The following GALM variants were observed in gnomAD, a reference collection of about 807,000 sequenced individuals.
GALM encodes the protein aldose 1-epimerase.
A neutral mutation model predicts 37.4 loss-of-function variants in GALM; 43 were observed. That is an observed-to-expected ratio of 1.15 (90% CI 0.90 to 1.48). The LOEUF (loss-of-function observed/expected upper bound fraction) is 1.48. GALM is among the 40% of genes most tolerant of loss of function. The probability of loss-of-function intolerance (pLI) is 0.00; values close to 1 mark genes in which losing one functional copy is unlikely to be tolerated. For synonymous variants in GALM, 199 were observed against 170.6 expected (o/e 1.17, Z -1.30); for missense variants, 456 against 419.1 (o/e 1.09, Z -0.77).
chr2:38,729,764 G>A, intron 5 of GALM, 67 bp downstream of exon 5: 2 of 1,355,536 alleles, frequency 1.5e-6, no homozygotes, highest in Non-Finnish European at 2.1e-6. Context: ...TTCCTTTGGA[G>A]CTTTTCCTCT....
chr2:38,728,157 G>A (rs1666524419), intron 4 of GALM, among the ~76,000 whole-genome samples: 1 of 152,220 alleles, frequency 6.6e-6, no homozygotes, highest in African/African-American at 2.4e-5. Context: ...ACTTTGGGAG[G>A]CCAAGGCAGG....
chr2:38,708,756 G>A (rs1352622362), intron 4 of GALM, among the ~76,000 whole-genome samples: 1 of 151,470 alleles, frequency 6.6e-6, no homozygotes, highest in African/African-American at 2.4e-5. Context: ...AAAAGAAAGT[G>A]CTGTCAACAA....
At chr2:38,679,921 G>C in intron 2 of GALM, 2 of 393,962 alleles carry the variant, frequency 5.1e-6, no homozygotes, top group South Asian at 3.8e-5. Context: ...TTCCCTATAA[G>C]TGTAATCTTG....
chr2:38,698,010 C>T (rs538519306), intron 4 of GALM, among the ~76,000 whole-genome samples: 30 of 151,776 alleles, frequency 2.0e-4, no homozygotes, highest in Middle Eastern at 6.8e-3. Context: ...GTGGTGCAGT[C>T]TCGGCCCACT....
chr2:38,729,791 T>A (rs1666562795), intron 5 of GALM, 94 bp downstream of exon 5: 2 of 1,042,466 alleles, frequency 1.9e-6, no homozygotes, highest in Non-Finnish European at 2.9e-6. Flanking sequence ...ATCAATAGCA[T>A]TTACTATGCT....
intron 3 of GALM, among the ~76,000 whole-genome samples, chr2:38,684,886 C>G (rs920276917): frequency 6.6e-5 from 10 of 151,960 alleles, no homozygotes; most frequent in Admixed American, 6.6e-4. Context: ...TGGGGGAATT[C>G]GAGATGAAAA....
At chr2:38,699,146 T>A (rs534915874) in intron 4 of GALM, among the ~76,000 whole-genome samples, 1 of 151,994 alleles carries the variant, frequency 6.6e-6, no homozygotes, top group South Asian at 2.1e-4. Context: ...ACTCCTAACT[T>A]TAGGTGATCT....
intron 3 of GALM, among the ~76,000 whole-genome samples, chr2:38,688,833 T>C (rs756173673): frequency 5.3e-5 from 8 of 152,192 alleles, no homozygotes; most frequent in Non-Finnish European, 1.0e-4. Flanking sequence ...TTATTTATTT[T>C]GAGATGGAGT....
intron 4 of GALM, among the ~76,000 whole-genome samples, chr2:38,694,906 AAAAAAAC>A (rs1457491339): frequency 2.6e-5 from 4 of 151,152 alleles, no homozygotes; most frequent in Admixed American, 6.6e-5. Context: ...CAAAAAAAAA[AAAAAAAC>A]AAAAAAAGAA....
chr2:38,676,150 G>A (rs1330354291), intron 2 of GALM, 84 bp downstream of exon 2: 17 of 1,361,408 alleles, frequency 1.2e-5, no homozygotes, highest in Non-Finnish European at 1.7e-5. Flanking sequence ...ATAGGCCCTA[G>A]AGCACATGAG....
Position 38,733,679 on chromosome 2 carries a change from C to T in GALM, c.*114C>T. The stretch of plus-strand genomic sequence containing the variant: ...AATGATTCTATGGATTAAAATCATA[C>T]AAATGGTGGCTGTTCTGAGAATCAG... On this transcript the variant is annotated 3_prime_UTR_variant, in exon 7 of 7. Coordinates refer to ENST00000272252, the MANE Select transcript of GALM (RefSeq NM_138801.3). 1.2e-6 allele frequency: 1 copy of T among 809,400 alleles called. No individual in the cohort carries two copies. Among genetic ancestry groups the T allele is most frequent in the Non-Finnish European group, 2.2e-6 (1 of 464,010 alleles). 50.1% of individuals were successfully genotyped at this position (809,400 alleles called of 1,614,324 possible). A position where few individuals can be genotyped will look rare whatever the true frequency, so the allele number is the denominator to read the frequency against.
chr2:38,682,505 T>C (rs980065513), intron 3 of GALM, among the ~76,000 whole-genome samples: 1 of 152,182 alleles, frequency 6.6e-6, no homozygotes, highest in African/African-American at 2.4e-5. Context: ...GCAGAGTTAA[T>C]TGGTTCTTGT....
intron 4 of GALM, among the ~76,000 whole-genome samples, chr2:38,729,240 T>A (rs749662678): frequency 1.2e-4 from 18 of 152,100 alleles, no homozygotes; most frequent in Non-Finnish European, 2.4e-4. Flanking sequence ...TATGCTGGAG[T>A]GCAGTGGTGC....
Position 38,733,544 on chromosome 2 carries a change from G to A in GALM, c.1008G>A (p.Trp336Ter), listed in dbSNP as rs763645200. Residue 336 changes from tryptophan to a stop codon, truncating the protein, a stop_gained, in exon 7 of 7, where the codon TGG (tryptophan) becomes TGA (stop). Transcript: ENST00000272252. LOFTEE classifies it high-confidence loss of function. ...GTGAGGAGTATGACCACACCACCTG[G>A]TTCAAGTTTTCTGTGGCTTAAGGAA... ...RPGEEYDHTTWFKFSVA is the reference protein window; with the variant it reads ...RPGEEYDHTT The A allele has an allele frequency of 1.2e-5, 19 of 1,613,834 alleles. No homozygotes were observed. The highest frequency in any genetic ancestry group is 2.2e-5 in the East Asian group (1 of 44,896).
intron 1 of GALM, among the ~76,000 whole-genome samples, chr2:38,672,255 C>G (rs995967106): frequency 6.6e-6 from 1 of 152,144 alleles, no homozygotes; most frequent in Admixed American, 6.6e-5. Flanking sequence ...TTGAATGAAT[C>G]AAAGTAGGAC....
intron 4 of GALM, among the ~76,000 whole-genome samples, chr2:38,708,405 T>A (rs1030780723): frequency 5.9e-5 from 9 of 152,188 alleles, no homozygotes; most frequent in African/African-American, 2.2e-4. Context: ...TGTCCCAGCA[T>A]CCTAGAAGCT....
intron 4 of GALM, among the ~76,000 whole-genome samples, chr2:38,707,049 C>T (rs1480448667): frequency 2.8e-5 from 4 of 145,288 alleles, no homozygotes; most frequent in Non-Finnish European, 4.5e-5. Context: ...GACTCTAGAG[C>T]AGCTGCTGGG....
At chr2:38,731,636 T>C (rs1666611974) in intron 5 of GALM, 99 bp from the exon 6 acceptor site, 1 of 829,986 alleles carries the variant, frequency 1.2e-6, no homozygotes, top group Non-Finnish European at 2.0e-6. Context: ...CCCTGCTCTG[T>C]GGCTGGGTCT....
In GALM at chr2:38,726,236, T is replaced by A. The variant is rs1297174834; in HGVS notation, c.635-3320T>A. Among the ~76,000 whole-genome samples the A allele has an allele frequency of 1.1e-3, 139 of 127,970 alleles. 2 individuals carry two copies. The South Asian group carries it at 0.029, about 26-fold the overall frequency. The allele number at this position is 127,970 out of a possible 152,430, so 84.0% of individuals were successfully genotyped here. A position where few individuals can be genotyped will look rare whatever the true frequency, so the allele number is the denominator to read the frequency against. On this transcript the variant is annotated intron_variant, in intron 4 of 6. Transcript: ENST00000272252. ...CCTTTATTTTTTTTTTTTTATTTTT[T>A]TTTTTTTTGAGACGGAGTCTCGCTC...
Sources: gnomAD v4.1 joint callset for allele counts (sites outside exome capture counted in the v4.1 genomes callset) on GRCh38, gnomAD v4.1.1 for gene constraint, MANE v1.5 for transcripts, NCBI Gene and HGNC (gene_info 2026-07-23, HGNC 2026-07-21) for gene names.